COL5A1: variants seen among roughly 807,000 people sequenced by gnomAD.
COL5A1 encodes the protein collagen alpha-1(V) chain.
In COL5A1, 16 loss-of-function variants were observed where a neutral mutation model predicts 263.7. The observed-to-expected ratio is 0.06, with a 90% CI of 0.04 to 0.09. COL5A1 has a LOEUF of 0.09. Ranked by LOEUF, COL5A1 falls within the 10% of genes least tolerant of loss-of-function variation. COL5A1 has a pLI of 1.00. For synonymous variants in COL5A1, 1,012 were observed against 1,004.5 expected (o/e 1.01, Z -0.14); for missense variants, 2,036 against 2,540.5 (o/e 0.80, Z 4.27).
rs1355193639 is a variant in COL5A1 at position 134,780,206 on chromosome 9, G to A, written c.2430+60G>A. ...TTAGTCCGGAGCCGAATTCCAGCCAGCGGGGCCCTCCCACAATGCTTCTTC... is the reference window on the plus strand; with the variant it reads ...TTAGTCCGGAGCCGAATTCCAGCCAACGGGGCCCTCCCACAATGCTTCTTC... On this transcript the variant is annotated intron_variant, in intron 28 of 65. Coordinates refer to ENST00000371817, the MANE Select transcript of COL5A1 (RefSeq NM_000093.5). 6 of 1,531,412 alleles carry A rather than the reference G, an allele frequency of 3.9e-6. 1 individual carries two copies. The South Asian group carries it at 6.7e-5, about 17-fold the overall frequency. 94.9% of individuals were successfully genotyped at this position (1,531,412 alleles called of 1,614,324 possible).
At chr9:134,643,944 G>A (rs1319198584) in intron 1 of COL5A1, among the ~76,000 whole-genome samples, 1 of 152,144 alleles carries the variant, frequency 6.6e-6, no homozygotes. Flanking sequence ...CCTCCACACT[G>A]TCTTTTTCCC....
chr9:134,702,514 C>T (rs998065056), intron 4 of COL5A1, among the ~76,000 whole-genome samples: 1 of 152,162 alleles, frequency 6.6e-6, no homozygotes, highest in African/African-American at 2.4e-5. Context: ...AACCAGACAC[C>T]GTGTTGACTC....
chr9:134,817,703 A>T, intron 53 of COL5A1, 75 bp from the exon 54 acceptor site: 1 of 1,339,338 alleles, frequency 7.5e-7, no homozygotes, highest in Non-Finnish European at 1.1e-6. Flanking sequence ...ACACACCCTG[A>T]GCGCCTGCAC....
chr9:134,691,873 G>A (rs879317460), intron 2 of COL5A1: 5 of 152,250 alleles, frequency 3.3e-5, no homozygotes, highest in Admixed American at 6.5e-5. Context: ...AGAAGACAGC[G>A]CAGCATCTTT....
At chr9:134,795,885 G>A (rs1043640803) in intron 34 of COL5A1, among the ~76,000 whole-genome samples, 1 of 152,224 alleles carries the variant, frequency 6.6e-6, no homozygotes, top group African/African-American at 2.4e-5. Flanking sequence ...GGGCTGAGGG[G>A]CCGAGCTGGC....
Position 134,757,893 on chromosome 9 carries a change from C to T in COL5A1, c.1882-350C>T, listed in dbSNP as rs925463503. Among the ~76,000 whole-genome samples the T allele has an allele frequency of 6.6e-6, 1 of 152,172 alleles. No homozygotes were observed. Among genetic ancestry groups the T allele is most frequent in the Admixed American group, 6.5e-5 (1 of 15,280 alleles). On this transcript the variant is annotated intron_variant, in intron 17 of 65. Transcript: ENST00000371817. The surrounding 1 kb of genome is among the most constrained non-coding windows in gnomAD (Gnocchi z 6.2). ...AGCGGACACACCGGGACCCTGCTCT[C>T]CTGGAGCCTCCCTGGGGTGGGGGAG...
rs773041897 is a variant in COL5A1, at chr9:134,730,468, C to T, written c.1157C>T (p.Ser386Phe). The change falls in exon 7 of 66, where the codon TCC becomes TTC. Residue 386 changes from serine (S) to phenylalanine (F), a missense_variant. Transcript: ENST00000371817. Reference protein sequence around the residue: ...IPTSTADTSNSSNPAPPPGEG... With the variant: ...IPTSTADTSNFSNPAPPPGEG... Reference sequence around the variant, plus strand: ...ACCAGCACCGCCGACACCTCCAACTCCTCCAATGTAATTTCTTTCCTTCCC... The same window carrying T: ...ACCAGCACCGCCGACACCTCCAACTTCTCCAATGTAATTTCTTTCCTTCCC... The T allele has an allele frequency of 9.9e-6, 16 of 1,614,018 alleles. No homozygotes were observed. The highest frequency in any genetic ancestry group is 1.4e-5 in the Non-Finnish European group (16 of 1,180,054).
chr9:134,792,044 A>C (rs1157858932), intron 32 of COL5A1, among the ~76,000 whole-genome samples: 1 of 152,128 alleles, frequency 6.6e-6, no homozygotes, highest in Admixed American at 6.5e-5. Flanking sequence ...TGCAGGAGGG[A>C]CAGAAGTGGA....
chr9:134,787,806 G>T (rs1837516990), intron 31 of COL5A1, among the ~76,000 whole-genome samples: 1 of 152,240 alleles, frequency 6.6e-6, no homozygotes, highest in African/African-American at 2.4e-5. Context: ...CCTCAGTTCA[G>T]CTCAGCAGTG....
Position 134,811,517 on chromosome 9 carries a change from G to GGGGCCAGCA in COL5A1, c.3614_3622dup (p.Gln1205_Gly1207dup). On this transcript the variant is annotated inframe_insertion, in exon 46 of 66. Coordinates refer to ENST00000371817, the MANE Select transcript of COL5A1 (RefSeq NM_000093.5). Reference sequence around the variant, plus strand: ...GGAGCTGACGGCGAGCCGGGGCCTCGGGGCCAGCAGGGCCTTTTCGGGCAG... The same window carrying GGGGCCAGCA: ...GGAGCTGACGGCGAGCCGGGGCCTCGGGGCCAGCAGGGCCAGCAGGGCCTTTTCGGGCAG... 1 of 1,607,834 alleles carries GGGGCCAGCA rather than the reference G, an allele frequency of 6.2e-7. No individual in the cohort carries two copies. The highest frequency in any genetic ancestry group is 8.5e-7 in the Non-Finnish European group (1 of 1,176,892).
At chr9:134,777,133 G>A (rs150594492) in intron 27 of COL5A1, among the ~76,000 whole-genome samples, 187 of 152,320 alleles carry the variant, frequency 1.2e-3, no homozygotes, top group African/African-American at 4.2e-3. Context: ...TGCCTTGCAC[G>A]TCTGAAGGGG....
intron 4 of COL5A1, among the ~76,000 whole-genome samples, chr9:134,704,152 AG>A (rs1245765450): frequency 2.0e-5 from 3 of 152,152 alleles, no homozygotes; most frequent in Non-Finnish European, 2.9e-5. Flanking sequence ...CCCTTACCCC[AG>A]GGAAGCACTA....
chr9:134,708,130 C>T (rs994076060), intron 4 of COL5A1, among the ~76,000 whole-genome samples: 4 of 152,188 alleles, frequency 2.6e-5, no homozygotes, highest in African/African-American at 7.2e-5. Flanking sequence ...TGGAAGCTGC[C>T]CAGAGGGGCA....
At chr9:134,752,383 C>T (rs1428048538) in intron 13 of COL5A1, among the ~76,000 whole-genome samples, 3 of 150,332 alleles carry the variant, frequency 2.0e-5, no homozygotes, top group Non-Finnish European at 4.4e-5. Flanking sequence ...GCATGTCCCA[C>T]GTCACTCCCG....
Position 134,652,792 on chromosome 9 carries a change from A to C in COL5A1, c.109+10496A>C, listed in dbSNP as rs1831739817. On this transcript the variant is annotated intron_variant, in intron 1 of 65. Transcript: ENST00000371817. The surrounding 1 kb of genome is among the most constrained non-coding windows in gnomAD (Gnocchi z 4.4). The stretch of plus-strand genomic sequence containing the variant: ...TCCAGCGTTTCTCCTCATGGTGTAG[A>C]CCAGCAGTTCCCAAACTTTACCAGG... 2.2e-6 allele frequency: 1 copy of C among 464,250 alleles called. No individual in the cohort carries two copies. The highest frequency in any genetic ancestry group is 2.0e-5 in the African/African-American group (1 of 49,778). 28.8% of individuals were successfully genotyped at this position (464,250 alleles called of 1,614,324 possible).
In COL5A1 at chr9:134,759,344, A is replaced by C. The variant is rs1039619271; in HGVS notation, c.1935+1048A>C. ...TACACACATGCACACAAGCACACAC[A>C]CACACCCACATTCATACACAGATGC... On this transcript the variant is annotated intron_variant, in intron 18 of 65. Transcript: ENST00000371817. Among the ~76,000 whole-genome samples, 7 of 140,618 alleles carry C rather than the reference A, an allele frequency of 5.0e-5. 1 individual carries two copies. The highest frequency in any genetic ancestry group is 1.7e-4 in the African/African-American group (6 of 35,834). 92.3% of individuals were successfully genotyped at this position (140,618 alleles called of 152,430 possible). A position where few individuals can be genotyped will look rare whatever the true frequency, so the allele number is the denominator to read the frequency against.
chr9:134,651,450 T>C (rs1280849038), intron 1 of COL5A1, among the ~76,000 whole-genome samples: 3 of 152,094 alleles, frequency 2.0e-5, no homozygotes, highest in Non-Finnish European at 2.9e-5. Context: ...GAGGCTGCAG[T>C]GAGCTGTGTT....
rs1206772161 is a variant in COL5A1, at chr9:134,774,921, GACTC to G, written c.2385+12_2385+15del. Reference sequence around the variant, plus strand: ...GTCCTCGAGGAGTCAAGGTGAGAGAGACTCACGCCACTCCAGGTCGTCCTGGAGG... The same window carrying G: ...GTCCTCGAGGAGTCAAGGTGAGAGAGACGCCACTCCAGGTCGTCCTGGAGG... On this transcript the variant is annotated intron_variant, in intron 27 of 65. Coordinates refer to ENST00000371817, the MANE Select transcript of COL5A1 (RefSeq NM_000093.5). The G allele has an allele frequency of 6.2e-7, 1 of 1,612,906 alleles. No homozygotes were observed. The highest frequency in any genetic ancestry group is 8.5e-7 in the Non-Finnish European group (1 of 1,179,466).
intron 1 of COL5A1, among the ~76,000 whole-genome samples, chr9:134,669,972 T>C (rs938390735): frequency 1.3e-5 from 2 of 152,280 alleles, no homozygotes; most frequent in African/African-American, 4.8e-5. Context: ...ATACTCATTA[T>C]AGTACATTTG....
Sources: gnomAD v4.1 joint callset for allele counts (sites outside exome capture counted in the v4.1 genomes callset) on GRCh38, gnomAD v4.1.1 for gene constraint, Gnocchi (gnomAD v3.1) non-coding constraint, MANE v1.5 for transcripts, NCBI Gene and HGNC (gene_info 2026-07-23, HGNC 2026-07-21) for gene names.